The following KDM3B variants were observed in gnomAD, a reference collection of about 807,000 sequenced individuals.
KDM3B encodes lysine demethylase 3B.
A neutral mutation model predicts 170.0 loss-of-function variants in KDM3B; 10 were observed. The observed-to-expected ratio is 0.06, with a 90% CI of 0.04 to 0.10. The LOEUF (loss-of-function observed/expected upper bound fraction) is 0.10. KDM3B is among the 10% of genes least tolerant of loss of function. The pLI, the probability that KDM3B is intolerant of heterozygous loss-of-function variation, is 1.00. For missense variants in KDM3B, 1,394 were observed against 2,195.2 expected, an observed-to-expected ratio of 0.64 and a Z score of 7.29; for synonymous variants, 831 against 834.8, an observed-to-expected ratio of 1.00 and a Z score of 0.08.
intron 6 of KDM3B, among the ~76,000 whole-genome samples, chr5:138,385,650 T>C (rs1240856215): frequency 6.6e-6 from 1 of 152,246 alleles, no homozygotes; most frequent in Non-Finnish European, 1.5e-5. Context: ...GAGGTAAATA[T>C]GTAATAAAGT....
At chr5:138,411,905 T>C (rs1402939977) in intron 11 of KDM3B, among the ~76,000 whole-genome samples, 2 of 150,780 alleles carry the variant, frequency 1.3e-5, no homozygotes, top group African/African-American at 4.8e-5. Context: ...TTTCACCATT[T>C]CACCATGTTG....
At chr5:138,368,724 T>C (rs1761805944) in intron 1 of KDM3B, among the ~76,000 whole-genome samples, 1 of 152,202 alleles carries the variant, frequency 6.6e-6, no homozygotes, top group Non-Finnish European at 1.5e-5. Context: ...TATTATCAGA[T>C]TGGAGCTGTC....
At position 138,435,436 on chromosome 5, in the gene KDM3B, C is replaced by G. The variant is rs565875741; in HGVS notation, c.5206-184C>G. Among the ~76,000 whole-genome samples, 3 of 152,324 alleles carry G rather than the reference C, an allele frequency of 2.0e-5. 1 individual carries two copies. Among genetic ancestry groups the G allele is most frequent in the Middle Eastern group, 6.8e-3 (2 of 294 alleles). ...GATCAGATGGCCTTTCACATAACTTCATTATTCTTTTTTGAGTACACACCT... is the reference window on the plus strand; with the variant it reads ...GATCAGATGGCCTTTCACATAACTTGATTATTCTTTTTTGAGTACACACCT... On this transcript the variant is annotated intron_variant, in intron 23 of 23. Coordinates refer to ENST00000314358, the MANE Select transcript of KDM3B (RefSeq NM_016604.4).
chr5:138,398,229 C>T lies in KDM3B; in HGVS notation c.2883C>T (p.Pro961=). The part of the protein sequence containing the change: ...GVLRVEGFLS[P]QQSDPDAMNL... ...TCCGTGTGGAGGGGTTTTTAAGCCCCCAGCAAAGTGACCCTGATGCCATGA... is the reference window on the plus strand; with the variant it reads ...TCCGTGTGGAGGGGTTTTTAAGCCCTCAGCAAAGTGACCCTGATGCCATGA... Residue 961 remains proline (P), a synonymous_variant, in exon 10 of 24, where the codon CCC becomes CCT. Coordinates refer to ENST00000314358, the MANE Select transcript of KDM3B (RefSeq NM_016604.4). The T allele has an allele frequency of 2.5e-6, 4 of 1,614,058 alleles. No homozygotes were observed. The highest frequency in any genetic ancestry group is 3.4e-6 in the Non-Finnish European group (4 of 1,180,008).
At position 138,419,064 on chromosome 5, in the gene KDM3B, A is replaced by G; in HGVS notation, c.3547A>G (p.Ser1183Gly). 6.2e-7 allele frequency: 1 copy of G among 1,614,242 alleles called. No homozygotes were observed. The highest frequency in any genetic ancestry group is 8.5e-7 in the Non-Finnish European group (1 of 1,180,046). ...GCCGGACCATGTTCCCAAAGCCGAC[A>G]GCACTGACATCAGATCTGAAGAGCC... Reference protein sequence around the residue: ...PEPDHVPKADSTDIRSEEPLK... With the variant: ...PEPDHVPKADGTDIRSEEPLK... Residue 1183 changes from serine to glycine, a missense_variant, in exon 14 of 24, where the codon AGC becomes GGC. Coordinates refer to ENST00000314358, the MANE Select transcript of KDM3B (RefSeq NM_016604.4).
At chr5:138,413,125 C>T (rs193210505) in intron 11 of KDM3B, among the ~76,000 whole-genome samples, 63 of 152,240 alleles carry the variant, frequency 4.1e-4, no homozygotes, top group African/African-American at 1.5e-3. Context: ...TTGGCTCATA[C>T]CTGTAATCCC....
chr5:138,386,323 A>G lies in KDM3B; in HGVS notation c.1082A>G (p.Lys361Arg). Residue 361 changes from lysine to arginine, a missense_variant, in exon 7 of 24, where the codon AAA becomes AGA. Physicochemically the swap from Lys to Arg is conservative, Grantham distance 26. Around this residue, in one of 19 missense-constraint regions of KDM3B, gnomAD observed 205 missense variants for 227.6 expected, o/e 0.90. Coordinates refer to ENST00000314358, the MANE Select transcript of KDM3B (RefSeq NM_016604.4). Reference protein sequence around the residue: ...NRNIRFATYTKENGRTLVVQD... With the variant: ...NRNIRFATYTRENGRTLVVQD... ...AACATTCGCTTTGCCACTTACACCA[A>G]AGAAAACGGCAGGACTCTGGTGGTG... 1 of 1,614,226 alleles carries G rather than the reference A, an allele frequency of 6.2e-7. No homozygotes were observed. The highest frequency in any genetic ancestry group is 2.2e-5 in the East Asian group (1 of 44,892).
At chr5:138,425,299 A>C in intron 16 of KDM3B, 112 bp from the exon 17 acceptor site, 1 of 886,804 alleles carries the variant, frequency 1.1e-6, no homozygotes, top group Non-Finnish European at 1.7e-6. Flanking sequence ...AGAACAGTAG[A>C]GCTTCCTGGA....
chr5:138,396,517 A>G (rs1488407852), intron 9 of KDM3B, among the ~76,000 whole-genome samples: 2 of 152,198 alleles, frequency 1.3e-5, no homozygotes, highest in Admixed American at 6.5e-5. Context: ...GTGATCTGAT[A>G]CAGAAGAAAA....
chr5:138,412,431 A>T (rs960447595), intron 11 of KDM3B, among the ~76,000 whole-genome samples: 2 of 152,030 alleles, frequency 1.3e-5, no homozygotes, highest in Non-Finnish European at 2.9e-5. Context: ...AGGCAGTGGG[A>T]TTGCTTGAGC....
intron 11 of KDM3B, among the ~76,000 whole-genome samples, chr5:138,411,370 C>T (rs1458351016): frequency 6.6e-6 from 1 of 152,152 alleles, no homozygotes; most frequent in Non-Finnish European, 1.5e-5. Flanking sequence ...ATAATTACTA[C>T]CAACTAATGA....
chr5:138,377,880 T>C, intron 4 of KDM3B, 55 bp downstream of exon 4: 2 of 1,287,804 alleles, frequency 1.6e-6, no homozygotes, highest in South Asian at 2.4e-5. Context: ...ATGATCACTG[T>C]TGAGTGATAG....
At chr5:138,355,941 CAA>C (rs1419250165) in intron 1 of KDM3B, among the ~76,000 whole-genome samples, 2 of 152,122 alleles carry the variant, frequency 1.3e-5, no homozygotes, top group Non-Finnish European at 2.9e-5. Context: ...CAACCGTATA[CAA>C]AGAGTTCCCT....
At chr5:138,353,125 C>G (rs1256214574) in intron 1 of KDM3B, 138 bp downstream of exon 1, 4 of 703,524 alleles carry the variant, frequency 5.7e-6, no homozygotes, top group Non-Finnish European at 7.8e-6. Context: ...CGCCCCCCGC[C>G]GGCACCTCCG....
chr5:138,426,971 C>G lies in KDM3B; in HGVS notation c.4412-4C>G. The G allele has an allele frequency of 1.2e-6, 2 of 1,612,564 alleles. No individual in the cohort carries two copies. Among genetic ancestry groups the G allele is most frequent in the South Asian group, 2.2e-5 (2 of 91,040 alleles). On this transcript the variant is annotated splice_polypyrimidine_tract_variant and splice_region_variant and intron_variant, in intron 17 of 23. Transcript: ENST00000314358. Reference sequence around the variant, plus strand: ...TGTTTGTGGGAGTATTCTCTGTCTTCCAGAACGACTACGGTCAGAAGATGG... The same window carrying G: ...TGTTTGTGGGAGTATTCTCTGTCTTGCAGAACGACTACGGTCAGAAGATGG...
At chr5:138,423,985 C>A in intron 15 of KDM3B, 90 bp from the exon 16 acceptor site, 1 of 1,330,508 alleles carries the variant, frequency 7.5e-7, no homozygotes, top group Non-Finnish European at 1.0e-6. Flanking sequence ...CAGGTCAGAA[C>A]TCCTTGTGAA....
At chr5:138,408,100 T>A (rs1056749684) in intron 11 of KDM3B, among the ~76,000 whole-genome samples, 1 of 152,134 alleles carries the variant, frequency 6.6e-6, no homozygotes, top group Non-Finnish European at 1.5e-5. Flanking sequence ...ATATGTACAG[T>A]AAGGAGCAGA....
At chr5:138,416,606 A>C (rs1763111625) in intron 12 of KDM3B, among the ~76,000 whole-genome samples, 2 of 151,552 alleles carry the variant, frequency 1.3e-5, no homozygotes, top group South Asian at 4.2e-4. Context: ...AAAAAAAAAA[A>C]AAAACATAAC....
At chr5:138,408,604 A>G (rs553005045) in intron 11 of KDM3B, among the ~76,000 whole-genome samples, 1 of 152,250 alleles carries the variant, frequency 6.6e-6, no homozygotes, top group East Asian at 1.9e-4. Flanking sequence ...AAACCAAATA[A>G]AGACATGAGA....
Sources: gnomAD v4.1 joint callset for allele counts (sites outside exome capture counted in the v4.1 genomes callset) on GRCh38, gnomAD v4.1.1 for gene constraint, gnomAD v4.1.1 regional missense constraint, MANE v1.5 for transcripts, NCBI Gene and HGNC (gene_info 2026-07-23, HGNC 2026-07-21) for gene names.